NTNG1: variants seen among roughly 807,000 people sequenced by gnomAD.
NTNG1 encodes netrin-G1.
Under a neutral mutation model 54.0 loss-of-function variants are expected in NTNG1, and 16 were observed. The ratio of observed to expected loss-of-function variants is 0.30; its 90% confidence interval spans 0.20 to 0.45. NTNG1 has a LOEUF of 0.45. NTNG1 is among the 20% of genes least tolerant of loss of function. The pLI is 1.00. For missense variants in NTNG1, 530 were observed against 678.7 expected, an observed-to-expected ratio of 0.78 and a Z score of 2.43; for synonymous variants, 255 against 263.1, an observed-to-expected ratio of 0.97 and a Z score of 0.30.
At chr1:107,337,657 A>G (rs910645308) in intron 3 of NTNG1, among the ~76,000 whole-genome samples, 16 of 152,054 alleles carry the variant, frequency 1.1e-4, no homozygotes, top group Non-Finnish European at 1.5e-4. Context: ...AACTGCACAA[A>G]CAATACTCCT....
chr1:107,343,392 G>A (rs1186015174), intron 3 of NTNG1, among the ~76,000 whole-genome samples: 1 of 152,002 alleles, frequency 6.6e-6, no homozygotes, highest in Non-Finnish European at 1.5e-5. Context: ...GGCCGTGAAA[G>A]AACAACCATA....
intron 2 of NTNG1, among the ~76,000 whole-genome samples, chr1:107,268,197 C>A (rs1380381225): frequency 2.6e-5 from 4 of 152,216 alleles, no homozygotes; most frequent in African/African-American, 9.6e-5. Flanking sequence ...TTCTCTACTT[C>A]TGTTTACAAC....
chr1:107,365,729 C>G (rs895179023), intron 3 of NTNG1, among the ~76,000 whole-genome samples: 1 of 152,188 alleles, frequency 6.6e-6, no homozygotes, highest in Non-Finnish European at 1.5e-5. Context: ...CCCTCAGGAT[C>G]TGAATTCATA....
At chr1:107,238,157 C>T (rs913554815) in intron 2 of NTNG1, among the ~76,000 whole-genome samples, 4 of 152,174 alleles carry the variant, frequency 2.6e-5, no homozygotes, top group South Asian at 4.1e-4. Flanking sequence ...CTTTCATCAT[C>T]GTGACCTGGA....
Position 107,257,168 on chromosome 1 carries a change from T to G in NTNG1, c.247-67114T>G, listed in dbSNP as rs1662987876. Reference sequence around the variant, plus strand: ...TTTATATGATATTAACTACCTGCCTTTATCGTCATTTGGACTGAATGAACC... The same window carrying G: ...TTTATATGATATTAACTACCTGCCTGTATCGTCATTTGGACTGAATGAACC... On this transcript the variant is annotated intron_variant, in intron 2 of 7. Coordinates refer to ENST00000370068, the MANE Select transcript of NTNG1 (RefSeq NM_001113226.3). 2.0e-5 allele frequency among the ~76,000 whole-genome samples: 3 copies of G among 152,350 alleles called. 1 individual carries two copies. The South Asian group carries it at 6.2e-4, about 32-fold the overall frequency.
intron 5 of NTNG1, among the ~76,000 whole-genome samples, chr1:107,413,166 T>C (rs199825683): frequency 7.5e-6 from 1 of 133,894 alleles, no homozygotes; most frequent in African/African-American, 2.8e-5. Context: ...ATTTTTTTTT[T>C]CATTTTTTTT....
intron 2 of NTNG1, among the ~76,000 whole-genome samples, chr1:107,162,107 C>CT (rs10709463): frequency 1.3e-5 from 2 of 151,668 alleles, no homozygotes; most frequent in African/African-American, 4.8e-5. Context: ...TAGGAAGTTT[C>CT]TTTTTTTATT....
rs140765205 is a variant in NTNG1, at chr1:107,223,475, C to T, written c.246+74636C>T. On this transcript the variant is annotated intron_variant, in intron 2 of 7. Transcript: ENST00000370068. ...GGGCAGGAAGAGGTTAGGAAGAGGG[C>T]AATGGGTGTTCCTTACTAATAGAAT... Among the ~76,000 whole-genome samples the T allele has an allele frequency of 4.8e-3, 732 of 152,072 alleles. 4 individuals are homozygous for T. Among genetic ancestry groups the T allele is most frequent in the African/African-American group, 0.017 (701 of 41,478 alleles).
At chr1:107,445,462 A>G (rs1676252068) in intron 7 of NTNG1, among the ~76,000 whole-genome samples, 1 of 152,152 alleles carries the variant, frequency 6.6e-6, no homozygotes, top group Admixed American at 6.6e-5. Flanking sequence ...AGCCCTTTGT[A>G]TGTGTCGGGA....
At chr1:107,358,688 TAAC>T (rs1162008144) in intron 3 of NTNG1, among the ~76,000 whole-genome samples, 1 of 151,982 alleles carries the variant, frequency 6.6e-6, no homozygotes, top group Non-Finnish European at 1.5e-5. Flanking sequence ...GCAGAGAGTT[TAAC>T]AACATCTACA....
chr1:107,395,467 A>G lies in NTNG1; in HGVS notation c.1060+141A>G, dbSNP rs756531760. 3 of 805,512 alleles carry G rather than the reference A, an allele frequency of 3.7e-6. No homozygotes were observed. In the East Asian group the frequency reaches 7.3e-5, roughly 20 times the overall value. The allele number at this position is 805,512 out of a possible 1,614,324, so 49.9% of individuals were successfully genotyped here. A position where few individuals can be genotyped will look rare whatever the true frequency, so the allele number is the denominator to read the frequency against. On this transcript the variant is annotated intron_variant, in intron 4 of 7. Transcript: ENST00000370068. Reference sequence around the variant, plus strand: ...AAGTGCAGCGAAAGTTTCAGTCCCTATCTTACCTCATGTAGACATCTTTTA... The same window carrying G: ...AAGTGCAGCGAAAGTTTCAGTCCCTGTCTTACCTCATGTAGACATCTTTTA...
At chr1:107,232,589 C>T (rs931133370) in intron 2 of NTNG1, among the ~76,000 whole-genome samples, 6 of 152,068 alleles carry the variant, frequency 3.9e-5, no homozygotes, top group Admixed American at 2.0e-4. Flanking sequence ...GGACCTTAAA[C>T]GGTATATTTA....
At chr1:107,289,450 AACAG>A (rs1336200288) in intron 2 of NTNG1, among the ~76,000 whole-genome samples, 3 of 152,164 alleles carry the variant, frequency 2.0e-5, no homozygotes, top group African/African-American at 7.2e-5. Flanking sequence ...GCCAATCTTT[AACAG>A]ACAGATACTT....
intron 5 of NTNG1, among the ~76,000 whole-genome samples, chr1:107,426,479 G>C (rs991968882): frequency 1.3e-5 from 2 of 151,904 alleles, no homozygotes; most frequent in African/African-American, 4.8e-5. Context: ...GAGGTTGTAG[G>C]GTATGTGGCT....
intron 2 of NTNG1, among the ~76,000 whole-genome samples, chr1:107,218,659 A>G (rs1660132086): frequency 6.6e-6 from 1 of 152,210 alleles, no homozygotes; most frequent in Admixed American, 6.5e-5. Flanking sequence ...GGTAGTGGCA[A>G]ATTCTCTCAG....
At chr1:107,313,777 T>G (rs989868745) in intron 2 of NTNG1, among the ~76,000 whole-genome samples, 23 of 152,228 alleles carry the variant, frequency 1.5e-4, no homozygotes, top group African/African-American at 5.3e-4. Context: ...TTCTTCAAAC[T>G]GTCCTTGCAT....
intron 4 of NTNG1, among the ~76,000 whole-genome samples, chr1:107,406,663 T>G (rs1297587256): frequency 6.6e-6 from 1 of 152,162 alleles, no homozygotes; most frequent in Non-Finnish European, 1.5e-5. Flanking sequence ...ATCATAATGT[T>G]GCTTGGTGAA....
chr1:107,245,172 C>A (rs72699318), intron 2 of NTNG1, among the ~76,000 whole-genome samples: 8,013 of 152,182 alleles, frequency 0.053, 275 homozygotes, highest in Middle Eastern at 0.078. Flanking sequence ...TCCTTTTAAA[C>A]AATAAACACT....
chr1:107,284,535 C>A (rs913373861), intron 2 of NTNG1, among the ~76,000 whole-genome samples: 13 of 151,992 alleles, frequency 8.6e-5, no homozygotes, highest in African/African-American at 3.1e-4. Flanking sequence ...AATTGATTCA[C>A]TTCATGGAAA....
Sources: allele counts gnomAD v4.1 joint callset (sites outside exome capture counted in the v4.1 genomes callset), GRCh38; gene constraint gnomAD v4.1.1; transcripts MANE v1.5; gene names NCBI Gene and HGNC (gene_info 2026-07-23, HGNC 2026-07-21).